JAKMIP1: variants seen among roughly 807,000 people sequenced by gnomAD.
JAKMIP1 encodes the protein janus kinase and microtubule interacting protein 1.
Under a neutral mutation model 113.0 loss-of-function variants are expected in JAKMIP1, and 33 were observed. That is an observed-to-expected ratio of 0.29 (90% CI 0.22 to 0.39). The LOEUF is 0.39. Ranked by LOEUF, JAKMIP1 falls within the 10% of genes least tolerant of loss-of-function variation. JAKMIP1 has a pLI of 1.00. For synonymous variants in JAKMIP1, 480 were observed against 459.9 expected (o/e 1.04, Z -0.56); for missense variants, 813 against 1,080.5 (o/e 0.75, Z 3.47).
At chr4:6,147,251 C>T (rs571732849) in intron 1 of JAKMIP1, among the ~76,000 whole-genome samples, 101 of 152,272 alleles carry the variant, frequency 6.6e-4, no homozygotes, top group African/African-American at 2.3e-3. Flanking sequence ...TGTGAGCCAC[C>T]GCACCAAGCC....
intron 3 of JAKMIP1, among the ~76,000 whole-genome samples, chr4:6,091,952 C>T (rs895772560): frequency 6.6e-6 from 1 of 152,194 alleles, no homozygotes; most frequent in Non-Finnish European, 1.5e-5. Flanking sequence ...CCCCAGTTTA[C>T]ACTCTCCCCA....
chr4:6,085,449 C>G lies in JAKMIP1; in HGVS notation c.805G>C (p.Gly269Arg). The part of the protein sequence containing the change: ...SPKRELPPGI[G>R]DMVELMGVQD... ...ACGCCCATGAGCTCCACCATGTCCC[C>G]GATCCCGGGCGGGAGCTCTCTCTTT... Residue 269 changes from glycine (G) to arginine (R), a missense_variant, in exon 4 of 21, where the codon GGG becomes CGG. Coordinates refer to ENST00000409021, the MANE Select transcript of JAKMIP1 (RefSeq NM_001099433.2). 6.2e-7 allele frequency: 1 copy of G among 1,613,786 alleles called. No homozygotes were observed.
intron 8 of JAKMIP1, among the ~76,000 whole-genome samples, chr4:6,074,542 C>A (rs773703717): frequency 5.9e-5 from 9 of 152,206 alleles, no homozygotes; most frequent in Non-Finnish European, 4.4e-5. Flanking sequence ...AGTCATCCTG[C>A]GGTACCCATG....
intron 1 of JAKMIP1, among the ~76,000 whole-genome samples, chr4:6,149,603 A>G (rs1338311147): frequency 6.6e-6 from 1 of 152,242 alleles, no homozygotes; most frequent in Non-Finnish European, 1.5e-5. Flanking sequence ...TCTGAAGATT[A>G]AAGAAATAGG....
At chr4:6,057,583 C>A (rs1716657570) in intron 11 of JAKMIP1, among the ~76,000 whole-genome samples, 2 of 152,222 alleles carry the variant, frequency 1.3e-5, no homozygotes, top group Non-Finnish European at 2.9e-5. Flanking sequence ...CATGTGTGGG[C>A]CTCACCAGGC....
intron 3 of JAKMIP1, among the ~76,000 whole-genome samples, chr4:6,102,893 C>A (rs1404124102): frequency 2.0e-5 from 3 of 151,658 alleles, no homozygotes; most frequent in East Asian, 1.9e-4. Context: ...ACCACTGCAC[C>A]CCGCTAATTT....
chr4:6,047,206 TC>T (rs1469551485), intron 16 of JAKMIP1, among the ~76,000 whole-genome samples: 1 of 152,128 alleles, frequency 6.6e-6, no homozygotes, highest in Non-Finnish European at 1.5e-5. Context: ...AGGAGAGGCC[TC>T]CCCGACATCA....
chr4:6,189,463 G>C (rs1231104867), intron 1 of JAKMIP1, among the ~76,000 whole-genome samples: 1 of 152,202 alleles, frequency 6.6e-6, no homozygotes, highest in African/African-American at 2.4e-5. Flanking sequence ...GAGTGGACCT[G>C]ATGCAAGCAA....
rs1332908767 is a variant in JAKMIP1, at chr4:6,179,432, G to C, written c.-148+20821C>G. Among the ~76,000 whole-genome samples the C allele has an allele frequency of 6.6e-6, 1 of 152,120 alleles. No homozygotes were observed. The highest frequency in any genetic ancestry group is 1.9e-4 in the East Asian group (1 of 5,192). On this transcript the variant is annotated intron_variant, in intron 1 of 20. Coordinates refer to ENST00000409021, the MANE Select transcript of JAKMIP1 (RefSeq NM_001099433.2). This position sits in a 1 kb window ranked among gnomAD's most constrained non-coding sequence, Gnocchi z 4.5. ...GGACAGGAAGGCTGAGCCCCACACA[G>C]GGAGACCCTGCCCCATCCACCACCA... is the stretch of plus-strand genomic sequence containing the variant.
intron 8 of JAKMIP1, among the ~76,000 whole-genome samples, chr4:6,075,573 T>C (rs1490532022): frequency 1.3e-5 from 2 of 152,200 alleles, no homozygotes; most frequent in African/African-American, 2.4e-5. Flanking sequence ...GGAAAGTTTC[T>C]ACACAGATCC....
chr4:6,092,452 G>T (rs1184928352), intron 3 of JAKMIP1, among the ~76,000 whole-genome samples: 6 of 152,224 alleles, frequency 3.9e-5, no homozygotes, highest in Admixed American at 3.3e-4. Flanking sequence ...CCTCCCCATG[G>T]CCACACCCCC....
In JAKMIP1 at chr4:6,049,732, T is replaced by A; in HGVS notation, c.1962+87A>T. 2.0e-6 allele frequency: 2 copies of A among 1,013,510 alleles called. No homozygotes were observed. Among genetic ancestry groups the A allele is most frequent in the Admixed American group, 4.0e-5 (2 of 50,140 alleles). 62.8% of individuals were successfully genotyped at this position (1,013,510 alleles called of 1,614,324 possible). ...TTAGATCTCTTACATCAGAGAGAAA[T>A]TAAAAACAAAACAAAACAAAAGTCA... On this transcript the variant is annotated intron_variant, in intron 15 of 20. Transcript: ENST00000409021. The surrounding 1 kb of genome is among the most constrained non-coding windows in gnomAD (Gnocchi z 7.0).
rs953528739 is a variant in JAKMIP1 at position 6,136,280 on chromosome 4, G to A, written c.-147-23283C>T. 3.3e-5 allele frequency among the ~76,000 whole-genome samples: 5 copies of A among 152,068 alleles called. No homozygotes were observed. The highest frequency in any genetic ancestry group is 5.9e-5 in the Non-Finnish European group (4 of 68,022). On this transcript the variant is annotated intron_variant, in intron 1 of 20. Transcript: ENST00000409021. The surrounding 1 kb of genome is among the most constrained non-coding windows in gnomAD (Gnocchi z 5.9). ...ATACATAAATAACATGTACCAAAGTGCTTGACGTCTAAATGCAGGCATCTG... is the reference window on the plus strand; with the variant it reads ...ATACATAAATAACATGTACCAAAGTACTTGACGTCTAAATGCAGGCATCTG...
At chr4:6,174,721 C>T (rs1725136117) in intron 1 of JAKMIP1, among the ~76,000 whole-genome samples, 1 of 152,168 alleles carries the variant, frequency 6.6e-6, no homozygotes, top group African/African-American at 2.4e-5. Context: ...TGAAAGGACT[C>T]CTGGGAGTGT....
In JAKMIP1 at chr4:6,168,113, G is replaced by A. The variant is rs1020973369; in HGVS notation, c.-148+32140C>T. 3.3e-5 allele frequency among the ~76,000 whole-genome samples: 5 copies of A among 152,156 alleles called. No homozygotes were observed. The highest frequency in any genetic ancestry group is 1.9e-4 in the East Asian group (1 of 5,192). ...GACGGCACCACACACCACCCAGGAC[G>A]GCTGCAATCAAAAAAGCGCACAACA... On this transcript the variant is annotated intron_variant, in intron 1 of 20. Coordinates refer to ENST00000409021, the MANE Select transcript of JAKMIP1 (RefSeq NM_001099433.2). The surrounding 1 kb of genome is among the most constrained non-coding windows in gnomAD (Gnocchi z 4.6).
intron 19 of JAKMIP1, 149 bp from the exon 20 acceptor site, chr4:6,029,930 A>G (rs2108741805): frequency 1.6e-6 from 1 of 641,404 alleles, no homozygotes. Context: ...GCACAAGCCC[A>G]TGTCACCACC....
chr4:6,062,559 T>A, intron 9 of JAKMIP1, 119 bp from the exon 10 acceptor site: 2 of 1,112,698 alleles, frequency 1.8e-6, no homozygotes, highest in Non-Finnish European at 1.3e-6. Context: ...AGTGCCAGGG[T>A]CAACTTAGAC....
In JAKMIP1 at chr4:6,080,351, G is replaced by A. The variant is rs552177526; in HGVS notation, c.1102-39C>T. Reference sequence around the variant, plus strand: ...GAGACAGACCACCACAGGGTTACCCGCCAACAGTGTTTGTTAGGGACAGTG... The same window carrying A: ...GAGACAGACCACCACAGGGTTACCCACCAACAGTGTTTGTTAGGGACAGTG... On this transcript the variant is annotated intron_variant, in intron 6 of 20. Coordinates refer to ENST00000409021, the MANE Select transcript of JAKMIP1 (RefSeq NM_001099433.2). This position sits in a 1 kb window ranked among gnomAD's most constrained non-coding sequence, Gnocchi z 6.0. 5.3e-5 allele frequency: 85 copies of A among 1,604,246 alleles called. No individual in the cohort carries two copies. The highest frequency in any genetic ancestry group is 1.6e-4 in the South Asian group (14 of 89,148).
chr4:6,085,718 G>C (rs1286089283), intron 3 of JAKMIP1, 89 bp from the exon 4 acceptor site: 2 of 1,223,918 alleles, frequency 1.6e-6, no homozygotes, highest in Non-Finnish European at 2.3e-6. Context: ...CCCAGGGAAA[G>C]GTCAAAGCAG....
Sources: gnomAD v4.1 joint callset for allele counts (sites outside exome capture counted in the v4.1 genomes callset) on GRCh38, gnomAD v4.1.1 for gene constraint, Gnocchi (gnomAD v3.1) non-coding constraint, MANE v1.5 for transcripts, NCBI Gene and HGNC (gene_info 2026-07-23, HGNC 2026-07-21) for gene names.